NXPH2: variants seen among roughly 807,000 people sequenced by gnomAD.
NXPH2 encodes the protein neurexophilin 2, also known as neurexophilin-2.
Under a neutral mutation model 19.8 loss-of-function variants are expected in NXPH2, and 5 were observed. The observed-to-expected ratio is 0.25, with a 90% confidence interval of 0.13 to 0.53. NXPH2 has a LOEUF of 0.53. Among genes scored for constraint, NXPH2 ranks in the 20% least tolerant of loss-of-function variants. The probability of loss-of-function intolerance (pLI) is 0.96; values close to 1 mark genes in which losing one functional copy is unlikely to be tolerated. For synonymous variants in NXPH2, 154 were observed against 127.4 expected (o/e 1.21, Z -1.41); for missense variants, 289 against 322.8 (o/e 0.90, Z 0.80).
chr2:138,714,341 A>G (rs1183832992), intron 1 of NXPH2, among the ~76,000 whole-genome samples: 1 of 152,148 alleles, frequency 6.6e-6, no homozygotes, highest in Non-Finnish European at 1.5e-5. Flanking sequence ...TAATTCCACA[A>G]ATATTTATTA....
intron 1 of NXPH2, among the ~76,000 whole-genome samples, chr2:138,739,240 G>C (rs1350025595): frequency 6.6e-6 from 1 of 152,134 alleles, no homozygotes; most frequent in Non-Finnish European, 1.5e-5. Context: ...TTCCACATTA[G>C]ACTAATACAC....
chr2:138,681,769 C>T (rs896762650), intron 1 of NXPH2, among the ~76,000 whole-genome samples: 1 of 151,950 alleles, frequency 6.6e-6, no homozygotes, highest in Non-Finnish European at 1.5e-5. Context: ...TCTTGGATAC[C>T]CTATAAGTAT....
chr2:138,723,118 T>G (rs1169044873), intron 1 of NXPH2, among the ~76,000 whole-genome samples: 1 of 152,152 alleles, frequency 6.6e-6, no homozygotes, highest in Non-Finnish European at 1.5e-5. Context: ...GGAGATTTAC[T>G]GTAGGGTTTC....
intron 1 of NXPH2, 148 bp downstream of exon 1, chr2:138,780,042 TA>T: frequency 1.4e-6 from 1 of 708,552 alleles, no homozygotes; most frequent in Non-Finnish European, 2.1e-6. Context: ...TTTCGACCTC[TA>T]AGGCAACCCA....
Position 138,670,502 on chromosome 2 carries a change from A to G in NXPH2, c.*420T>C, listed in dbSNP as rs1016769704. Among the ~76,000 whole-genome samples the G allele has an allele frequency of 6.6e-6, 1 of 152,224 alleles. No homozygotes were observed. The highest frequency in any genetic ancestry group is 1.5e-5 in the Non-Finnish European group (1 of 68,030). ...AAACACAATTCATCTATCAAATACA[A>G]TCTTTTCCTTTACCGCATCTGCTGT... On this transcript the variant is annotated 3_prime_UTR_variant, in exon 2 of 2. Transcript: ENST00000272641.
chr2:138,770,144 T>C (rs1055621638), intron 1 of NXPH2, among the ~76,000 whole-genome samples: 3 of 152,070 alleles, frequency 2.0e-5, no homozygotes, highest in African/African-American at 7.2e-5. Flanking sequence ...AAGGCCCAAA[T>C]GGATTAGAAT....
intron 1 of NXPH2, among the ~76,000 whole-genome samples, chr2:138,702,515 C>A (rs1422920839): frequency 6.6e-6 from 1 of 152,142 alleles, no homozygotes; most frequent in Non-Finnish European, 1.5e-5. Flanking sequence ...ATGGCTTCCA[C>A]CCCTACCCAA....
At chr2:138,727,822 C>T (rs964427057) in intron 1 of NXPH2, among the ~76,000 whole-genome samples, 1 of 152,036 alleles carries the variant, frequency 6.6e-6, no homozygotes, top group African/African-American at 2.4e-5. Context: ...AATATGAGCC[C>T]ACTTTATTAA....
At chr2:138,764,816 T>C (rs1292078226) in intron 1 of NXPH2, among the ~76,000 whole-genome samples, 1 of 152,202 alleles carries the variant, frequency 6.6e-6, no homozygotes, top group African/African-American at 2.4e-5. Context: ...TTCTTAAAAA[T>C]ACCTGATTTA....
At chr2:138,729,402 A>T (rs1349392509) in intron 1 of NXPH2, among the ~76,000 whole-genome samples, 1 of 152,082 alleles carries the variant, frequency 6.6e-6, no homozygotes, top group African/African-American at 2.4e-5. Context: ...TTTGGCCTTG[A>T]CTGTAAGTTT....
intron 1 of NXPH2, among the ~76,000 whole-genome samples, chr2:138,678,355 C>T (rs1158582136): frequency 2.0e-5 from 3 of 152,156 alleles, no homozygotes; most frequent in Non-Finnish European, 4.4e-5. Context: ...TAATGTTAAT[C>T]TGGATCTGGC....
chr2:138,679,785 A>T (rs1680545284), intron 1 of NXPH2, among the ~76,000 whole-genome samples: 1 of 152,172 alleles, frequency 6.6e-6, no homozygotes, highest in Non-Finnish European at 1.5e-5. Flanking sequence ...GGAAAGCGTA[A>T]ATCAGTTTAG....
At chr2:138,772,499 G>A (rs1682195554) in intron 1 of NXPH2, among the ~76,000 whole-genome samples, 1 of 152,154 alleles carries the variant, frequency 6.6e-6, no homozygotes, top group African/African-American at 2.4e-5. Flanking sequence ...GTTTCTCCAT[G>A]TTGGTCAAGC....
chr2:138,720,080 C>A (rs1681253297), intron 1 of NXPH2, among the ~76,000 whole-genome samples: 1 of 148,340 alleles, frequency 6.7e-6, no homozygotes, highest in Admixed American at 6.7e-5. Context: ...GTATAAAAAA[C>A]AAATCTATTG....
intron 1 of NXPH2, among the ~76,000 whole-genome samples, chr2:138,678,459 C>A (rs1680519761): frequency 1.4e-5 from 2 of 147,452 alleles, no homozygotes; most frequent in African/African-American, 5.1e-5. Context: ...TTGAAATTAC[C>A]TTTAATTCCG....
chr2:138,673,378 T>C (rs1055472101), intron 1 of NXPH2, among the ~76,000 whole-genome samples: 1 of 152,170 alleles, frequency 6.6e-6, no homozygotes, highest in African/African-American at 2.4e-5. Flanking sequence ...CTTTTTTCTC[T>C]CTTATTGGTA....
At chr2:138,715,201 T>C (rs1316287769) in intron 1 of NXPH2, among the ~76,000 whole-genome samples, 1 of 152,236 alleles carries the variant, frequency 6.6e-6, no homozygotes, top group Non-Finnish European at 1.5e-5. Context: ...AATAGCTCTC[T>C]TGGCACAATA....
At chr2:138,753,214 T>C (rs1681851236) in intron 1 of NXPH2, among the ~76,000 whole-genome samples, 1 of 152,202 alleles carries the variant, frequency 6.6e-6, no homozygotes, top group Non-Finnish European at 1.5e-5. Context: ...ATTGATTTTA[T>C]ACTTTGGGTT....
At chr2:138,712,168 G>A (rs1464174061) in intron 1 of NXPH2, among the ~76,000 whole-genome samples, 5 of 152,148 alleles carry the variant, frequency 3.3e-5, no homozygotes, top group Non-Finnish European at 5.9e-5. Flanking sequence ...CACGTGCATC[G>A]CAGAATGCCA....
Sources: allele counts gnomAD v4.1 joint callset (sites outside exome capture counted in the v4.1 genomes callset), GRCh38; gene constraint gnomAD v4.1.1; transcripts MANE v1.5; gene names NCBI Gene and HGNC (gene_info 2026-07-23, HGNC 2026-07-21).